The following CSNK2A2IP variants were observed in gnomAD, a reference collection of about 807,000 sequenced individuals.
CSNK2A2IP encodes casein kinase II subunit alpha'-interacting protein.
the CSNK2A2IP span, among the ~76,000 whole-genome samples, chr3:88,427,978 C>T: frequency 6.6e-6 from 1 of 152,202 alleles, no homozygotes; most frequent in Middle Eastern, 3.4e-3. Flanking sequence ...GCACCATGCG[C>T]CTGGAAAAGC....
chr3:88,369,553 A>G, the CSNK2A2IP span, among the ~76,000 whole-genome samples: 1 of 151,964 alleles, frequency 6.6e-6, no homozygotes, highest in Non-Finnish European at 1.5e-5. Context: ...TCAGGGCAGA[A>G]GAATTGCTGA....
chr3:88,450,318 G>C, the CSNK2A2IP span, among the ~76,000 whole-genome samples: 2 of 152,048 alleles, frequency 1.3e-5, no homozygotes, highest in African/African-American at 2.4e-5. Context: ...GGCAAGAGCA[G>C]CTAAAATCTA....
chr3:88,428,621 G>C, the CSNK2A2IP span, among the ~76,000 whole-genome samples: 2 of 152,184 alleles, frequency 1.3e-5, no homozygotes, highest in Non-Finnish European at 2.9e-5. Context: ...ATATCTATTG[G>C]TAGGCCATAT....
the CSNK2A2IP span, among the ~76,000 whole-genome samples, chr3:88,443,588 G>C: frequency 4.6e-5 from 7 of 152,258 alleles, no homozygotes; most frequent in South Asian, 1.5e-3. Context: ...TAGAGAAACA[G>C]AAATTAGATG....
the CSNK2A2IP span, among the ~76,000 whole-genome samples, chr3:88,373,679 A>G: frequency 6.6e-6 from 1 of 151,172 alleles, no homozygotes; most frequent in Admixed American, 6.6e-5. Context: ...TTAGAAATGA[A>G]TAAAATGGAG....
the CSNK2A2IP span, among the ~76,000 whole-genome samples, chr3:88,426,545 AT>A: frequency 1.7e-4 from 26 of 152,296 alleles, no homozygotes; most frequent in African/African-American, 4.3e-4. Context: ...TGTAGTTCCC[AT>A]AATCCCCACA....
chr3:88,422,054 G>A, the CSNK2A2IP span, among the ~76,000 whole-genome samples: 1 of 152,148 alleles, frequency 6.6e-6, no homozygotes, highest in African/African-American at 2.4e-5. Context: ...GAGAGTCCAT[G>A]TGTTTCTGTG....
the CSNK2A2IP span, among the ~76,000 whole-genome samples, chr3:88,359,012 T>C: frequency 2.0e-5 from 3 of 151,674 alleles, no homozygotes; most frequent in Non-Finnish European, 4.4e-5. Flanking sequence ...TCAATTTTTA[T>C]CTTATGTAAG....
chr3:88,351,919 T>G, the CSNK2A2IP span, among the ~76,000 whole-genome samples: 1 of 152,154 alleles, frequency 6.6e-6, no homozygotes, highest in Non-Finnish European at 1.5e-5. Flanking sequence ...ATGCTGTTAC[T>G]GGAAATTTTG....
chr3:88,373,265 G>C, the CSNK2A2IP span, among the ~76,000 whole-genome samples: 1 of 151,248 alleles, frequency 6.6e-6, no homozygotes, highest in Non-Finnish European at 1.5e-5. Context: ...CAAAAGGATT[G>C]AACTTACCAA....
chr3:88,373,006 A>G, the CSNK2A2IP span, among the ~76,000 whole-genome samples: 2 of 151,552 alleles, frequency 1.3e-5, no homozygotes, highest in Non-Finnish European at 3.0e-5. Flanking sequence ...ATAGAACTAC[A>G]AGAAATAATA....
chr3:88,446,291 T>C, the CSNK2A2IP span, among the ~76,000 whole-genome samples: 1 of 151,878 alleles, frequency 6.6e-6, no homozygotes, highest in South Asian at 2.1e-4. Flanking sequence ...AGTTTCACCA[T>C]GTTGGCCAGG....
the CSNK2A2IP span, among the ~76,000 whole-genome samples, chr3:88,419,753 T>A: frequency 6.6e-6 from 1 of 152,184 alleles, no homozygotes; most frequent in African/African-American, 2.4e-5. Flanking sequence ...TGCTTTGAAA[T>A]TTGTTCTCTT....
At chr3:88,458,968 A>G in the CSNK2A2IP span, among the ~76,000 whole-genome samples, 1 of 152,210 alleles carries the variant, frequency 6.6e-6, no homozygotes, top group Non-Finnish European at 1.5e-5. Context: ...TGAATATTCT[A>G]TGAATATCAG....
chr3:88,462,718 G>C, the CSNK2A2IP span, among the ~76,000 whole-genome samples: 1 of 152,052 alleles, frequency 6.6e-6, no homozygotes, highest in East Asian at 1.9e-4. Flanking sequence ...ATGAAGAAGT[G>C]CTTGGAACTG....
chr3:88,376,846 C>T, the CSNK2A2IP span, among the ~76,000 whole-genome samples: 3 of 151,748 alleles, frequency 2.0e-5, no homozygotes, highest in African/African-American at 7.3e-5. Context: ...AATGACTTTT[C>T]TGAATTCTTA....
the CSNK2A2IP span, among the ~76,000 whole-genome samples, chr3:88,415,208 A>C: frequency 6.6e-6 from 1 of 152,186 alleles, no homozygotes; most frequent in Non-Finnish European, 1.5e-5. Flanking sequence ...CCCAAACTCA[A>C]ATCAAAAATA....
the CSNK2A2IP span, among the ~76,000 whole-genome samples, chr3:88,373,407 A>T: frequency 2.0e-5 from 3 of 151,452 alleles, no homozygotes; most frequent in Non-Finnish European, 4.4e-5. Flanking sequence ...AATAAAAGAA[A>T]ATTCAAGAAA....
chr3:88,450,622 G>A, the CSNK2A2IP span, among the ~76,000 whole-genome samples: 1 of 152,040 alleles, frequency 6.6e-6, no homozygotes, highest in Non-Finnish European at 1.5e-5. Context: ...GCAAGATCGG[G>A]TTCTTTTTAG....
Sources: gnomAD v4.1 joint callset for allele counts (sites outside exome capture counted in the v4.1 genomes callset) on GRCh38, gnomAD v4.1.1 for gene constraint, MANE v1.5 for transcripts, NCBI Gene and HGNC (gene_info 2026-07-23, HGNC 2026-07-21) for gene names.